ZBTB8OS: variants seen among roughly 807,000 people sequenced by gnomAD.
ZBTB8OS encodes tRNA splicing ligase complex subunit 1, also known as tRNA-splicing ligase-activating factor archease.
A neutral mutation model predicts 29.3 loss-of-function variants in ZBTB8OS; 16 were observed. That is an observed-to-expected ratio of 0.55 (90% CI 0.37 to 0.83). ZBTB8OS has a LOEUF of 0.83. ZBTB8OS is among the 40% of genes least tolerant of loss of function. The pLI is 0.00. For missense variants in ZBTB8OS, 160 were observed against 196.9 expected (o/e 0.81, Z 1.12); for synonymous variants, 70 against 64.6 (o/e 1.08, Z -0.40).
chr1:32,642,105 A>G (rs927745043), intron 1 of ZBTB8OS, among the ~76,000 whole-genome samples: 2 of 152,132 alleles, frequency 1.3e-5, no homozygotes, highest in African/African-American at 2.4e-5. Context: ...AACCCTATAC[A>G]TCGTGACTTA....
chr1:32,639,309 T>TA (rs1328152169), intron 1 of ZBTB8OS, among the ~76,000 whole-genome samples: 5 of 141,008 alleles, frequency 3.5e-5, no homozygotes, highest in African/African-American at 7.9e-5. Flanking sequence ...CCAAAAAAAA[T>TA]AAAAAAAAAA....
At chr1:32,649,668 A>AT (rs1156427480) in intron 1 of ZBTB8OS, among the ~76,000 whole-genome samples, 15 of 31,120 alleles carry the variant, frequency 4.8e-4, no homozygotes, top group East Asian at 1.8e-3. Flanking sequence ...ACACACACAC[A>AT]TTTTTTTTTT....
intron 1 of ZBTB8OS, among the ~76,000 whole-genome samples, chr1:32,641,743 C>G (rs1646424369): frequency 6.7e-6 from 1 of 149,908 alleles, no homozygotes; most frequent in African/African-American, 2.4e-5. Context: ...GAAACCCCGT[C>G]TCTACTAAAA....
At chr1:32,643,141 G>A (rs544406256) in intron 1 of ZBTB8OS, among the ~76,000 whole-genome samples, 3 of 136,770 alleles carry the variant, frequency 2.2e-5, no homozygotes, top group African/African-American at 5.4e-5. Context: ...CACGATCTCC[G>A]CTCACTGCAA....
intron 1 of ZBTB8OS, among the ~76,000 whole-genome samples, chr1:32,641,978 A>G (rs1646446107): frequency 6.6e-6 from 1 of 152,130 alleles, no homozygotes; most frequent in Non-Finnish European, 1.5e-5. Context: ...ATTTTGTTAC[A>G]TAGAATATTA....
At chr1:32,633,853 T>C in intron 3 of ZBTB8OS, 98 bp downstream of exon 3, 1 of 1,495,350 alleles carries the variant, frequency 6.7e-7, no homozygotes, top group Non-Finnish European at 8.9e-7. Context: ...CTTAATTTTC[T>C]GGTTCTTTTT....
rs958829930 is a variant in ZBTB8OS, at chr1:32,646,741, T to TA, written c.97+3691dup. On this transcript the variant is annotated intron_variant, in intron 1 of 6. Coordinates refer to ENST00000468695, the MANE Select transcript of ZBTB8OS (RefSeq NM_178547.5). ...GTATGACTTCTTATCTTAGAAGCCA[T>TA]AAAAAAAAGGGTTGGCCGGGAGTGG... Among the ~76,000 whole-genome samples, 10 of 150,252 alleles carry TA rather than the reference T, an allele frequency of 6.7e-5. No homozygotes were observed. In the South Asian group the frequency reaches 8.4e-4, roughly 13 times the overall value.
intron 6 of ZBTB8OS, among the ~76,000 whole-genome samples, chr1:32,626,121 C>T (rs1053545357): frequency 6.6e-6 from 1 of 152,226 alleles, no homozygotes; most frequent in Non-Finnish European, 1.5e-5. Context: ...GATTCACCCA[C>T]CTCGGCCTCC....
chr1:32,645,127 C>T (rs1570723807), intron 1 of ZBTB8OS, among the ~76,000 whole-genome samples: 1 of 151,652 alleles, frequency 6.6e-6, no homozygotes, highest in East Asian at 2.0e-4. Flanking sequence ...TGCAGTGAGC[C>T]GAGATGGCGC....
At chr1:32,649,664 ACAC>A (rs1301946418) in intron 1 of ZBTB8OS, among the ~76,000 whole-genome samples, 14 of 135,414 alleles carry the variant, frequency 1.0e-4, no homozygotes, top group Admixed American at 7.7e-4. Flanking sequence ...ACACACACAC[ACAC>A]ATTTTTTTTT....
At chr1:32,622,009 C>T (rs1644790609) in intron 6 of ZBTB8OS, 61 bp from the exon 7 acceptor site, 1 of 1,187,718 alleles carries the variant, frequency 8.4e-7, no homozygotes, top group East Asian at 2.5e-5. Flanking sequence ...AAATCATAAT[C>T]ATTAACTCTA....
intron 1 of ZBTB8OS, among the ~76,000 whole-genome samples, chr1:32,648,667 A>T (rs927760036): frequency 4.8e-4 from 73 of 151,704 alleles, no homozygotes; most frequent in Admixed American, 1.2e-3. Context: ...ATTAAAAATA[A>T]TTTTTTTTTG....
chr1:32,642,541 G>A (rs975242876), intron 1 of ZBTB8OS, among the ~76,000 whole-genome samples: 106 of 150,136 alleles, frequency 7.1e-4, no homozygotes, highest in Admixed American at 7.1e-3. Flanking sequence ...GCCCGGCAAA[G>A]CTGTTCTTTC....
At chr1:32,634,257 C>T (rs1345578032) in intron 2 of ZBTB8OS, 185 bp from the exon 3 acceptor site, 3 of 424,352 alleles carry the variant, frequency 7.1e-6, no homozygotes, top group Non-Finnish European at 1.2e-5. Context: ...GACTGAGTCT[C>T]ACTCTGTTGC....
At chr1:32,644,704 C>CTTTTT (rs1190646557) in intron 1 of ZBTB8OS, among the ~76,000 whole-genome samples, 59 of 105,582 alleles carry the variant, frequency 5.6e-4, no homozygotes, top group Non-Finnish European at 7.1e-4. Flanking sequence ...CCACACCCAG[C>CTTTTT]TTTTTTTTTT....
At chr1:32,625,216 G>A (rs1014396162) in intron 6 of ZBTB8OS, among the ~76,000 whole-genome samples, 2 of 137,996 alleles carry the variant, frequency 1.4e-5, no homozygotes, top group East Asian at 4.1e-4. Context: ...GGGTGAGACT[G>A]TCTCAAAAAA....
chr1:32,642,322 G>A (rs748809949), intron 1 of ZBTB8OS, among the ~76,000 whole-genome samples: 58 of 152,020 alleles, frequency 3.8e-4, no homozygotes, highest in Non-Finnish European at 1.0e-4. Flanking sequence ...TGGCCAACGT[G>A]GTGAAACCCC....
At chr1:32,627,028 GT>G (rs1303370105) in intron 6 of ZBTB8OS, among the ~76,000 whole-genome samples, 3 of 152,268 alleles carry the variant, frequency 2.0e-5, no homozygotes, top group Non-Finnish European at 4.4e-5. Flanking sequence ...GAAGCACTGA[GT>G]AGCTGCTCTT....
chr1:32,637,421 A>AT (rs1366935345), intron 1 of ZBTB8OS, among the ~76,000 whole-genome samples: 1 of 151,406 alleles, frequency 6.6e-6, no homozygotes, highest in Non-Finnish European at 1.5e-5. Flanking sequence ...AAAAAAAATG[A>AT]GCTGGGCGTG....
Sources: allele counts gnomAD v4.1 joint callset (sites outside exome capture counted in the v4.1 genomes callset), GRCh38; gene constraint gnomAD v4.1.1; transcripts MANE v1.5; gene names NCBI Gene and HGNC (gene_info 2026-07-23, HGNC 2026-07-21).